The following KDR variants were observed in gnomAD, a reference collection of about 807,000 sequenced individuals.
The protein encoded by KDR is vascular endothelial growth factor receptor 2.
In KDR, 43 loss-of-function variants were observed where a neutral mutation model predicts 160.9. That is an observed-to-expected ratio of 0.27 (90% CI 0.21 to 0.34). The LOEUF (loss-of-function observed/expected upper bound fraction) is 0.34. Among genes scored for constraint, KDR ranks in the 10% least tolerant of loss-of-function variants. The probability of loss-of-function intolerance (pLI) is 1.00; values close to 1 mark genes in which losing one functional copy is unlikely to be tolerated. For missense variants in KDR, 1,469 were observed against 1,666.4 expected, an observed-to-expected ratio of 0.88 and a Z score of 2.06; for synonymous variants, 617 against 600.1, an observed-to-expected ratio of 1.03 and a Z score of -0.41.
Position 55,098,668 on chromosome 4 carries a change from C to T in KDR, c.2373+29G>A, listed in dbSNP as rs41498047. On this transcript the variant is annotated intron_variant, in intron 16 of 29. Coordinates refer to ENST00000263923, the MANE Select transcript of KDR (RefSeq NM_002253.4). ...TTCATTAATCATGAAAACCAATGTG[C>T]ATGGGCAGAAGGGAAATTATTTTTT... The T allele has an allele frequency of 4.2e-3, 6,372 of 1,513,820 alleles. 224 individuals carry two copies. The African/African-American group carries it at 0.076, about 18-fold the overall frequency. The allele number at this position is 1,513,820 out of a possible 1,614,324, so 93.8% of individuals were successfully genotyped here.
At chr4:55,117,812 T>C (rs1222877086) in intron 3 of KDR, among the ~76,000 whole-genome samples, 2 of 152,232 alleles carry the variant, frequency 1.3e-5, no homozygotes, top group Non-Finnish European at 2.9e-5. Context: ...GCCCTTACAT[T>C]CCTTAAATTT....
At chr4:55,121,679 T>G (rs1431538163) in intron 1 of KDR, among the ~76,000 whole-genome samples, 1 of 152,196 alleles carries the variant, frequency 6.6e-6, no homozygotes, top group Non-Finnish European at 1.5e-5. Flanking sequence ...CTCATTTTCC[T>G]TTATCAATTT....
chr4:55,108,041 A>G, intron 9 of KDR, 148 bp from the exon 10 acceptor site: 1 of 816,134 alleles, frequency 1.2e-6, no homozygotes, highest in Non-Finnish European at 2.0e-6. Context: ...TGGAAACAAG[A>G]GACCTGAGTT....
At chr4:55,098,982 A>AATTAATTT (rs1553913509) in intron 15 of KDR, among the ~76,000 whole-genome samples, 179 bp from the exon 16 acceptor site, 1 of 142,956 alleles carries the variant, frequency 7.0e-6, no homozygotes, top group African/African-American at 2.6e-5. Context: ...TTTTGAATTT[A>AATTAATTT]ATTTATTTAT....
intron 27 of KDR, among the ~76,000 whole-genome samples, chr4:55,085,330 C>A (rs2110007690): frequency 6.6e-6 from 1 of 152,280 alleles, no homozygotes; most frequent in African/African-American, 2.4e-5. Context: ...AAATATTTTT[C>A]AAATGGTTTA....
At chr4:55,094,776 A>T (rs1397158280) in intron 21 of KDR, 26 bp downstream of exon 21, 2 of 1,591,034 alleles carry the variant, frequency 1.3e-6, no homozygotes, top group Admixed American at 3.3e-5. Flanking sequence ...AGCATGCCAT[A>T]GCATGCAGGA....
chr4:55,105,393 G>T (rs1326481901), intron 12 of KDR, among the ~76,000 whole-genome samples: 1 of 152,170 alleles, frequency 6.6e-6, no homozygotes, highest in Admixed American at 6.5e-5. Context: ...ATCAGCTAAA[G>T]CTTATCCATA....
chr4:55,106,575 A>T, intron 11 of KDR, 112 bp downstream of exon 11: 1 of 855,982 alleles, frequency 1.2e-6, no homozygotes. Context: ...AATACGCTCT[A>T]TTTAATCATC....
chr4:55,113,099 A>G (rs1390679068), intron 7 of KDR, among the ~76,000 whole-genome samples: 1 of 152,338 alleles, frequency 6.6e-6, no homozygotes, highest in East Asian at 1.9e-4. Flanking sequence ...GTATATCAGC[A>G]CATCTCATCT....
intron 9 of KDR, 138 bp from the exon 10 acceptor site, chr4:55,108,031 T>A: frequency 1.1e-6 from 1 of 890,988 alleles, no homozygotes. Context: ...CACCTAGATG[T>A]GGAAACAAGA....
intron 21 of KDR, 63 bp downstream of exon 21, chr4:55,094,739 C>T: frequency 1.4e-6 from 2 of 1,469,070 alleles, no homozygotes; most frequent in African/African-American, 1.4e-5. Flanking sequence ...CCTTGTAACA[C>T]CCTATCACCC....
intron 22 of KDR, 165 bp downstream of exon 22, chr4:55,092,452 C>G: frequency 1.5e-6 from 1 of 673,196 alleles, no homozygotes; most frequent in South Asian, 1.6e-5. Context: ...TCCTTAACCA[C>G]TCTTACTCAG....
intron 19 of KDR, among the ~76,000 whole-genome samples, chr4:55,095,998 A>T (rs73234300): frequency 0.29 from 44,565 of 151,846 alleles, 7,380 homozygotes; most frequent in Admixed American, 0.45. Context: ...CATCTGTTAC[A>T]CAAGTAACAA....
At chr4:55,112,055 T>C (rs534691600) in intron 7 of KDR, among the ~76,000 whole-genome samples, 1 of 152,350 alleles carries the variant, frequency 6.6e-6, no homozygotes, top group Admixed American at 6.5e-5. Flanking sequence ...CAAATTACCA[T>C]GTAAACTCAG....
rs539611115 is a variant in KDR, at chr4:55,097,831, C to T, written c.2510-65G>A. ...ATTACTATACAACCAAAGTGATACG[C>T]AGAGACATCAACTAGATAGGGTGAC... On this transcript the variant is annotated intron_variant, in intron 17 of 29. Transcript: ENST00000263923. 1.3e-5 allele frequency: 15 copies of T among 1,128,472 alleles called. No individual in the cohort carries two copies. In the African/African-American group the frequency reaches 1.7e-4, roughly 13 times the overall value. 69.9% of individuals were successfully genotyped at this position (1,128,472 alleles called of 1,614,324 possible).
chr4:55,114,077 G>A, intron 6 of KDR, 49 bp downstream of exon 6: 1 of 1,608,566 alleles, frequency 6.2e-7, no homozygotes, highest in Non-Finnish European at 8.5e-7. Context: ...CTTCACTGGG[G>A]CTTATTATCT....
intron 22 of KDR, among the ~76,000 whole-genome samples, chr4:55,091,108 C>G (rs556490300): frequency 7.2e-5 from 11 of 152,208 alleles, no homozygotes; most frequent in African/African-American, 2.6e-4. Flanking sequence ...ACACCTTGGC[C>G]TCCCAAAGTG....
At chr4:55,090,527 G>C (rs546156621) in intron 22 of KDR, among the ~76,000 whole-genome samples, 1 of 152,154 alleles carries the variant, frequency 6.6e-6, no homozygotes, top group African/African-American at 2.4e-5. Context: ...TCCCCCTTCC[G>C]TATGAAGCTG....
chr4:55,092,403 G>A, intron 22 of KDR: 1 of 559,744 alleles, frequency 1.8e-6, no homozygotes, highest in South Asian at 1.9e-5. Context: ...CTTAGTAGAT[G>A]CTTGACAAGC....
Sources: allele counts gnomAD v4.1 joint callset (sites outside exome capture counted in the v4.1 genomes callset), GRCh38; gene constraint gnomAD v4.1.1; transcripts MANE v1.5; gene names NCBI Gene and HGNC (gene_info 2026-07-23, HGNC 2026-07-21).